The following RIPK2 variants were observed in gnomAD, a reference collection of about 807,000 sequenced individuals.
RIPK2 encodes receptor-interacting serine/threonine-protein kinase 2.
In RIPK2, 38 loss-of-function variants were observed where a neutral mutation model predicts 60.9. That is an observed-to-expected ratio of 0.62 (90% CI 0.48 to 0.82). The LOEUF is 0.82. Among genes scored for constraint, RIPK2 ranks in the 40% least tolerant of loss-of-function variants. The pLI, the probability that RIPK2 is intolerant of heterozygous loss-of-function variation, is 0.00. For synonymous variants in RIPK2, 225 were observed against 223.4 expected, an observed-to-expected ratio of 1.01 and a Z score of -0.06; for missense variants, 518 against 647.0, an observed-to-expected ratio of 0.80 and a Z score of 2.16.
At chr8:89,776,151 A>G (rs1173877667) in intron 6 of RIPK2, among the ~76,000 whole-genome samples, 1 of 152,200 alleles carries the variant, frequency 6.6e-6, no homozygotes, top group Non-Finnish European at 1.5e-5. Context: ...CAAAGGTACC[A>G]AATAAGCATG....
chr8:89,769,854 C>A lies in RIPK2; in HGVS notation c.566C>A (p.Thr189Lys). 6.2e-7 allele frequency: 1 copy of A among 1,608,722 alleles called. No individual in the cohort carries two copies. The highest frequency in any genetic ancestry group is 8.5e-7 in the Non-Finnish European group (1 of 1,177,042). The change falls in exon 4 of 11, where the codon ACA becomes AAA. Residue 189 changes from threonine to lysine, a missense_variant. This residue lies in a region of RIPK2 where 448 missense variants were observed against 534.7 expected (regional missense o/e 0.84). Transcript: ENST00000220751. ...AGCAAATCTGCACCAGAAGGAGGGA[C>A]AATTATCTATATGCCACCTGAAAAC... is the stretch of plus-strand genomic sequence containing the variant. ...RSSKSAPEGG[T>K]IIYMPPENYE...
Position 89,757,868 on chromosome 8 carries a change from G to A in RIPK2, c.-193G>A. ...AGTCTCTAGAAAAGAAGTCAGCTCTGGTTCGGAGAAGCAGCGGCTGGCGTG... is the reference window on the plus strand; with the variant it reads ...AGTCTCTAGAAAAGAAGTCAGCTCTAGTTCGGAGAAGCAGCGGCTGGCGTG... On this transcript the variant is annotated 5_prime_UTR_variant, in exon 1 of 11. Coordinates refer to ENST00000220751, the MANE Select transcript of RIPK2 (RefSeq NM_003821.6). The A allele has an allele frequency of 2.2e-6, 3 of 1,366,310 alleles. No individual in the cohort carries two copies. Among genetic ancestry groups the A allele is most frequent in the Non-Finnish European group, 1.9e-6 (2 of 1,061,196 alleles). The allele number at this position is 1,366,310 out of a possible 1,614,324, so 84.6% of individuals were successfully genotyped here.
chr8:89,789,423 AC>A lies in RIPK2; in HGVS notation c.1227del (p.His409GlnfsTer10), dbSNP rs1290290926. 6.2e-7 allele frequency: 1 copy of A among 1,613,974 alleles called. No individual in the cohort carries two copies. On this transcript the variant is annotated frameshift_variant, in exon 10 of 11. Coordinates refer to ENST00000220751, the MANE Select transcript of RIPK2 (RefSeq NM_003821.6). LOFTEE classifies it high-confidence loss of function. ...TCTCAAAGGGCTGCATTCTGTGATC[AC>A]AAGACCACTCCATGCTCTTCAGCAA... ...SGSQRAAFCD[H>X]KTTPCSSAII...
At chr8:89,777,777 C>G (rs1809423192) in intron 6 of RIPK2, among the ~76,000 whole-genome samples, 1 of 151,964 alleles carries the variant, frequency 6.6e-6, no homozygotes, top group South Asian at 2.1e-4. Context: ...AAGGTACCAT[C>G]ATTGATTTAT....
At chr8:89,780,267 T>A in intron 7 of RIPK2, 107 bp downstream of exon 7, 1 of 544,850 alleles carries the variant, frequency 1.8e-6, no homozygotes. Flanking sequence ...TTTACACAGA[T>A]ATAAGCTACA....
chr8:89,777,721 G>A (rs943850072), intron 6 of RIPK2, among the ~76,000 whole-genome samples: 1 of 152,046 alleles, frequency 6.6e-6, no homozygotes, highest in African/African-American at 2.4e-5. Flanking sequence ...TTAAATGGAA[G>A]TACAACTTTT....
intron 6 of RIPK2, 137 bp downstream of exon 6, chr8:89,772,965 G>A (rs1052969037): frequency 1.8e-6 from 1 of 569,958 alleles, no homozygotes; most frequent in Non-Finnish European, 2.9e-6. Context: ...TCTTATCATA[G>A]CATTTATATA....
chr8:89,789,817 A>G (rs40453), intron 10 of RIPK2, among the ~76,000 whole-genome samples: 97,198 of 151,982 alleles, frequency 0.64, 33,089 homozygotes, highest in African/African-American at 0.89. Flanking sequence ...CAGAAGATGG[A>G]AATGATGACA....
Position 89,765,419 on chromosome 8 carries a change from C to T in RIPK2, c.406C>T (p.His136Tyr), listed in dbSNP as rs764485287. 1 of 1,599,858 alleles carries T rather than the reference C, an allele frequency of 6.3e-7. No homozygotes were observed. Among genetic ancestry groups the T allele is most frequent in the Non-Finnish European group, 8.6e-7 (1 of 1,167,722 alleles). The change falls in exon 3 of 11, where the codon CAC (histidine) becomes TAC (tyrosine). Residue 136 changes from histidine (H) to tyrosine (Y), a missense_variant. Coordinates refer to ENST00000220751, the MANE Select transcript of RIPK2 (RefSeq NM_003821.6). ...HEIALGVNYL[H>Y]NMTPPLLHHD... ...AATTGCCCTTGGTGTAAATTACCTG[C>T]ACAATATGACTCCTCCTTTACTTCA...
chr8:89,765,691 A>C (rs1809216011), intron 3 of RIPK2, among the ~76,000 whole-genome samples, 195 bp downstream of exon 3: 1 of 151,840 alleles, frequency 6.6e-6, no homozygotes, highest in South Asian at 2.1e-4. Flanking sequence ...ATTCCTAGAC[A>C]GAGATAGAAT....
At chr8:89,760,182 C>T (rs1370850967) in intron 1 of RIPK2, among the ~76,000 whole-genome samples, 2 of 151,820 alleles carry the variant, frequency 1.3e-5, no homozygotes, top group African/African-American at 2.4e-5. Flanking sequence ...ATGTGTTTCT[C>T]GGACTATGGA....
At position 89,758,138 on chromosome 8, in the gene RIPK2, C is replaced by T. The variant is rs1302184630; in HGVS notation, c.78C>T (p.Arg26=). The change falls in exon 1 of 11, where the codon CGC becomes CGT. Residue 26 remains arginine (R), a synonymous_variant. Transcript: ENST00000220751. ...TCGCCGACCTGCGCTACCTGAGCCG[C>T]GGCGCCTCTGGCACTGTGTCGTCCG... is the stretch of plus-strand genomic sequence containing the variant. ...HKLADLRYLS[R]GASGTVSSAR... is the part of the protein sequence containing the mutation. The T allele has an allele frequency of 6.3e-7, 1 of 1,599,840 alleles. No homozygotes were observed. The highest frequency in any genetic ancestry group is 8.5e-7 in the Non-Finnish European group (1 of 1,174,112).
intron 3 of RIPK2, among the ~76,000 whole-genome samples, chr8:89,768,166 T>G (rs1357936775): frequency 6.6e-6 from 1 of 151,646 alleles, no homozygotes; most frequent in Non-Finnish European, 1.5e-5. Context: ...TGGAGGTTCT[T>G]TTTGCCACGT....
intron 7 of RIPK2, among the ~76,000 whole-genome samples, chr8:89,782,818 TTC>T (rs1410050764): frequency 6.6e-6 from 1 of 152,210 alleles, no homozygotes; most frequent in African/African-American, 2.4e-5. Context: ...AGTTGTTCAT[TTC>T]TTCTTAGGGA....
At chr8:89,767,290 C>G (rs1452922666) in intron 3 of RIPK2, among the ~76,000 whole-genome samples, 1 of 151,542 alleles carries the variant, frequency 6.6e-6, no homozygotes, top group African/African-American at 2.4e-5. Flanking sequence ...TGTAACTCAC[C>G]ATATTTTTAT....
chr8:89,758,329 C>T (rs1227571003), intron 1 of RIPK2, 96 bp downstream of exon 1: 1 of 1,287,266 alleles, frequency 7.8e-7, no homozygotes, highest in Non-Finnish European at 1.0e-6. Context: ...TGGCAGTGAC[C>T]GCTTGGGGCC....
In RIPK2 at chr8:89,790,533, A is replaced by T; in HGVS notation, c.*117A>T. 1 of 709,480 alleles carries T rather than the reference A, an allele frequency of 1.4e-6. No individual in the cohort carries two copies. Among genetic ancestry groups the T allele is most frequent in the East Asian group, 2.7e-5 (1 of 36,696 alleles). The allele number at this position is 709,480 out of a possible 1,614,324, so 43.9% of individuals were successfully genotyped here. On this transcript the variant is annotated 3_prime_UTR_variant, in exon 11 of 11. Coordinates refer to ENST00000220751, the MANE Select transcript of RIPK2 (RefSeq NM_003821.6). Reference sequence around the variant, plus strand: ...AAGCTTTATTGAAGGTTCTTTGGGTAAATATTAGTCTCCCTCCATGACACT... The same window carrying T: ...AAGCTTTATTGAAGGTTCTTTGGGTTAATATTAGTCTCCCTCCATGACACT...
rs768394276 is a variant in RIPK2, at chr8:89,765,337, G to A, written c.328-4G>A. The A allele has an allele frequency of 1.3e-6, 2 of 1,596,402 alleles. No homozygotes were observed. The highest frequency in any genetic ancestry group is 1.1e-5 in the South Asian group (1 of 88,412). On this transcript the variant is annotated splice_polypyrimidine_tract_variant and splice_region_variant and intron_variant, in intron 2 of 10. Transcript: ENST00000220751. ...ATTTTCTTTCTTTTCACATATATAT[G>A]AAGAAAACTGAATATCCTGATGTTG...
chr8:89,781,888 G>T (rs1809507157), intron 7 of RIPK2, among the ~76,000 whole-genome samples: 1 of 152,136 alleles, frequency 6.6e-6, no homozygotes, highest in Admixed American at 6.5e-5. Context: ...CAATATTCTG[G>T]CATCACTATT....
Sources: gnomAD v4.1 joint callset for allele counts (sites outside exome capture counted in the v4.1 genomes callset) on GRCh38, gnomAD v4.1.1 for gene constraint, gnomAD v4.1.1 regional missense constraint, MANE v1.5 for transcripts, NCBI Gene and HGNC (gene_info 2026-07-23, HGNC 2026-07-21) for gene names.